OR2L13: variants seen among roughly 807,000 people sequenced by gnomAD.
The protein encoded by OR2L13 is olfactory receptor family 2 subfamily L member 13, also known as olfactory receptor 2L13.
In OR2L13, 14 loss-of-function variants were observed where a neutral mutation model predicts 15.3. The observed-to-expected ratio is 0.91, with a 90% CI of 0.60 to 1.43. The LOEUF (loss-of-function observed/expected upper bound fraction) is 1.43. OR2L13 is among the 40% of genes most tolerant of loss of function. The pLI, the probability that OR2L13 is intolerant of heterozygous loss-of-function variation, is 0.00. For synonymous variants in OR2L13, 152 were observed against 142.9 expected, an observed-to-expected ratio of 1.06 and a Z score of -0.45; for missense variants, 367 against 387.9, an observed-to-expected ratio of 0.95 and a Z score of 0.45.
chr1:248,014,439 T>A, the OR2L13 span, among the ~76,000 whole-genome samples: 1 of 152,138 alleles, frequency 6.6e-6, no homozygotes, highest in Non-Finnish European at 1.5e-5. Flanking sequence ...TTGTGACAAA[T>A]TGTAGTGCTT....
the OR2L13 span, chr1:248,060,979 A>G: frequency 6.2e-7 from 1 of 1,613,888 alleles, no homozygotes; most frequent in Non-Finnish European, 8.5e-7. Flanking sequence ...TGGGATTCAG[A>G]GTTTCTTCTT....
chr1:247,955,925 T>A, the OR2L13 span, among the ~76,000 whole-genome samples: 723 of 151,286 alleles, frequency 4.8e-3, 11 homozygotes, highest in African/African-American at 0.017. Context: ...TTTCTTTTGC[T>A]GTGCAGAAGC....
chr1:248,099,145 T>A (rs1189919343), intron 2 of OR2L13, among the ~76,000 whole-genome samples: 1 of 152,194 alleles, frequency 6.6e-6, no homozygotes, highest in East Asian at 1.9e-4. Context: ...TCATCTACAG[T>A]AATGAAAATC....
chr1:247,950,484 C>A, the OR2L13 span, among the ~76,000 whole-genome samples: 4 of 152,108 alleles, frequency 2.6e-5, no homozygotes, highest in African/African-American at 7.2e-5. Flanking sequence ...AGGTCTTTAA[C>A]CCATTTTATG....
upstream of OR2L13, among the ~76,000 whole-genome samples, chr1:248,096,973 C>G (rs1027633267): frequency 7.9e-5 from 12 of 152,150 alleles, no homozygotes; most frequent in African/African-American, 2.7e-4. Flanking sequence ...TATGGGGGCT[C>G]TGGACTGACT....
the OR2L13 span, among the ~76,000 whole-genome samples, chr1:247,982,667 T>C: frequency 6.6e-6 from 1 of 152,118 alleles, no homozygotes; most frequent in African/African-American, 2.4e-5. Flanking sequence ...AAGACAGAAA[T>C]TGCATTTCTT....
At chr1:247,941,003 G>C in the OR2L13 span, among the ~76,000 whole-genome samples, 1 of 152,072 alleles carries the variant, frequency 6.6e-6, no homozygotes, top group African/African-American at 2.4e-5. Context: ...GATGATTAGT[G>C]ATGCTGAGTA....
At chr1:248,031,974 A>G in the OR2L13 span, among the ~76,000 whole-genome samples, 24 of 152,266 alleles carry the variant, frequency 1.6e-4, no homozygotes, top group East Asian at 3.7e-3. Context: ...CGACTGCCCT[A>G]TATAAAATAC....
the OR2L13 span, among the ~76,000 whole-genome samples, chr1:247,940,032 T>A: frequency 0.1 from 15,487 of 152,260 alleles, 985 homozygotes; most frequent in Non-Finnish European, 0.14. Context: ...AATCAGTTTC[T>A]TTTCAAAAAT....
chr1:248,033,684 C>T, the OR2L13 span, among the ~76,000 whole-genome samples: 1 of 150,620 alleles, frequency 6.6e-6, no homozygotes, highest in African/African-American at 2.4e-5. Flanking sequence ...TCAAGCAATT[C>T]TGCCTGCCTT....
chr1:248,082,980 G>T, the OR2L13 span, among the ~76,000 whole-genome samples: 1 of 152,062 alleles, frequency 6.6e-6, no homozygotes, highest in South Asian at 2.1e-4. Flanking sequence ...GTGAGACTCT[G>T]GGAAAAGATA....
the OR2L13 span, among the ~76,000 whole-genome samples, chr1:248,020,527 T>C: frequency 6.6e-6 from 1 of 152,084 alleles, no homozygotes; most frequent in Non-Finnish European, 1.5e-5. Context: ...TAAAATGAAA[T>C]TGGCATATGG....
chr1:248,053,859 T>A, the OR2L13 span, among the ~76,000 whole-genome samples: 14 of 152,110 alleles, frequency 9.2e-5, no homozygotes, highest in African/African-American at 3.4e-4. Context: ...TGGAATTAGA[T>A]CTTTGTCAGA....
the OR2L13 span, chr1:248,060,654 C>A: frequency 6.4e-7 from 1 of 1,559,940 alleles, no homozygotes; most frequent in Middle Eastern, 1.7e-4. Context: ...CTTGTGTCTC[C>A]CTTCAGGAAA....
chr1:247,965,234 G>T, the OR2L13 span: 1 of 980,912 alleles, frequency 1.0e-6, no homozygotes, highest in Non-Finnish European at 1.4e-6. Flanking sequence ...AGCACTTTGT[G>T]CTCTAAACAT....
the OR2L13 span, among the ~76,000 whole-genome samples, chr1:248,074,780 A>T: frequency 6.6e-6 from 1 of 152,306 alleles, no homozygotes; most frequent in Admixed American, 6.5e-5. Context: ...GCATTATGCA[A>T]TATACCATTT....
chr1:247,941,070 T>C, the OR2L13 span, among the ~76,000 whole-genome samples: 12 of 152,332 alleles, frequency 7.9e-5, no homozygotes, highest in African/African-American at 2.6e-4. Flanking sequence ...TGTCTGTTCA[T>C]GTACTTTGTG....
the OR2L13 span, among the ~76,000 whole-genome samples, chr1:247,944,080 T>C: frequency 6.6e-6 from 1 of 152,150 alleles, no homozygotes; most frequent in African/African-American, 2.4e-5. Context: ...TTGATTACTA[T>C]AGCTTTGAGT....
At chr1:247,954,960 A>T in the OR2L13 span, among the ~76,000 whole-genome samples, 119,763 of 151,558 alleles carry the variant, frequency 0.79, 51,341 homozygotes, top group South Asian at 0.95. Flanking sequence ...ATATATATAT[A>T]TTTTTACTTT....
Sources: allele counts gnomAD v4.1 joint callset (sites outside exome capture counted in the v4.1 genomes callset), GRCh38; gene constraint gnomAD v4.1.1; transcripts MANE v1.5; gene names NCBI Gene and HGNC (gene_info 2026-07-23, HGNC 2026-07-21).